ZNF93: variants seen among roughly 807,000 people sequenced by gnomAD.
The protein encoded by ZNF93 is zinc finger protein 505.
In ZNF93, 29 loss-of-function variants were observed where a neutral mutation model predicts 45.0. That is an observed-to-expected ratio of 0.64 (90% CI 0.48 to 0.88). The LOEUF is 0.88. ZNF93 is among the 40% of genes least tolerant of loss of function. ZNF93 has a pLI of 0.00. For synonymous variants in ZNF93, 223 were observed against 244.6 expected (o/e 0.91, Z 0.82); for missense variants, 578 against 724.0 (o/e 0.80, Z 2.31).
At chr19:19,917,955 T>C (rs1404101319) in intron 3 of ZNF93, among the ~76,000 whole-genome samples, 2 of 151,978 alleles carry the variant, frequency 1.3e-5, no homozygotes, top group African/African-American at 4.8e-5. Flanking sequence ...TTTTTTTTTC[T>C]TTTTTTTAAT....
intron 1 of ZNF93, among the ~76,000 whole-genome samples, chr19:19,902,078 A>T (rs2063273993): frequency 1.3e-5 from 2 of 151,386 alleles, no homozygotes. Flanking sequence ...ACAAAGTGAG[A>T]CTCCGTCTTA....
intron 1 of ZNF93, among the ~76,000 whole-genome samples, chr19:19,913,070 A>G (rs2063314028): frequency 6.6e-6 from 1 of 152,194 alleles, no homozygotes; most frequent in African/African-American, 2.4e-5. Context: ...AGTGTAAGGG[A>G]CCCTGTGCTG....
At chr19:19,924,030 C>T (rs1417423258) in intron 3 of ZNF93, among the ~76,000 whole-genome samples, 2 of 152,172 alleles carry the variant, frequency 1.3e-5, no homozygotes, top group African/African-American at 4.8e-5. Context: ...CTGTAGACTG[C>T]AGCTGTTCCT....
At position 19,916,629 on chromosome 19, in the gene ZNF93, G is replaced by A. The variant is rs140713522; in HGVS notation, c.200G>A (p.Arg67Lys). ...GGAAAAAAACCTTTGACTATGAAGA[G>A]ACATGAGATGGTAGCCAACCCCTCA... ...EQGKKPLTMK[R>K]HEMVANPSVI... Residue 67 changes from arginine to lysine, a missense_variant, in exon 3 of 4, where the codon AGA becomes AAA. Physicochemically the swap from Arg to Lys is conservative, Grantham distance 26. Around this residue, in one of 3 missense-constraint regions of ZNF93, gnomAD observed 446 missense variants for 547.6 expected, o/e 0.81. Transcript: ENST00000343769. 91 of 1,611,522 alleles carry A rather than the reference G, an allele frequency of 5.6e-5. No homozygotes were observed. The African/African-American group carries it at 9.4e-4, about 17-fold the overall frequency.
At chr19:19,913,283 C>G (rs1366793113) in intron 1 of ZNF93, among the ~76,000 whole-genome samples, 2 of 152,184 alleles carry the variant, frequency 1.3e-5, no homozygotes, top group Non-Finnish European at 2.9e-5. Flanking sequence ...GTTATCAGCC[C>G]AGGCTTCTCA....
intron 3 of ZNF93, among the ~76,000 whole-genome samples, chr19:19,919,778 G>A (rs1327802809): frequency 2.6e-5 from 4 of 152,176 alleles, no homozygotes; most frequent in Non-Finnish European, 4.4e-5. Context: ...GTATAAGAAT[G>A]CTTGTGATTT....
rs1249028729 is a variant in ZNF93 at position 19,934,775 on chromosome 19, G to A, written c.1820G>A (p.Ser607Asn). 6.2e-7 allele frequency: 1 copy of A among 1,601,998 alleles called. No homozygotes were observed. The highest frequency in any genetic ancestry group is 8.5e-7 in the Non-Finnish European group (1 of 1,175,184). The change falls in exon 4 of 4, where the codon AGC becomes AAC. Residue 607 changes from serine to asparagine, a missense_variant. Ser to Asn is a conservative substitution (Grantham distance 46). Transcript: ENST00000343769. ...GGCAAAGCCTTTATTTCACCCTCAA[G>A]CCTTAGTAGACATGAGATAATTCAT... ...KCGKAFISPS[S>N]LSRHEIIHTG... is the part of the protein sequence containing the mutation.
chr19:19,923,180 G>A (rs1229894852), intron 3 of ZNF93, among the ~76,000 whole-genome samples: 1 of 152,170 alleles, frequency 6.6e-6, no homozygotes, highest in Non-Finnish European at 1.5e-5. Context: ...CAGGTCCGTT[G>A]GAGTTTGCTG....
chr19:19,919,987 G>C (rs2063338201), intron 3 of ZNF93, among the ~76,000 whole-genome samples: 1 of 152,162 alleles, frequency 6.6e-6, no homozygotes, highest in African/African-American at 2.4e-5. Context: ...CCAACACTAT[G>C]TTGAGTAGGA....
At chr19:19,923,062 G>A (rs1208927938) in intron 3 of ZNF93, among the ~76,000 whole-genome samples, 1 of 152,114 alleles carries the variant, frequency 6.6e-6, no homozygotes, top group African/African-American at 2.4e-5. Flanking sequence ...CATCTTTGTG[G>A]TTTTATCTAC....
intron 1 of ZNF93, among the ~76,000 whole-genome samples, chr19:19,907,999 T>C (rs2063297642): frequency 6.6e-6 from 1 of 152,216 alleles, no homozygotes; most frequent in South Asian, 2.1e-4. Context: ...CATTAAAATA[T>C]TCATACTTAT....
intron 3 of ZNF93, among the ~76,000 whole-genome samples, chr19:19,929,622 T>G (rs1366774570): frequency 6.6e-6 from 1 of 151,968 alleles, no homozygotes; most frequent in Non-Finnish European, 1.5e-5. Context: ...GATTAGTGGG[T>G]TTTTCTCCCT....
chr19:19,901,155 A>G (rs897333497), intron 1 of ZNF93, 64 bp downstream of exon 1: 31 of 1,609,820 alleles, frequency 1.9e-5, no homozygotes, highest in African/African-American at 5.3e-5. Context: ...GTGGAAAGTG[A>G]CGGTGGCGGG....
intron 3 of ZNF93, chr19:19,926,327 C>T (rs1177468679): frequency 6.6e-6 from 1 of 151,168 alleles, no homozygotes; most frequent in Non-Finnish European, 1.5e-5. Context: ...GATCCACTCG[C>T]CTTGGCCTCC....
At chr19:19,903,507 C>G (rs1021530954) in intron 1 of ZNF93, among the ~76,000 whole-genome samples, 5 of 148,110 alleles carry the variant, frequency 3.4e-5, no homozygotes, top group Non-Finnish European at 6.1e-5. Flanking sequence ...ATTACCAGTG[C>G]TGGTAATCCC....
intron 3 of ZNF93, among the ~76,000 whole-genome samples, chr19:19,926,788 C>G (rs1335367371): frequency 6.6e-6 from 1 of 152,078 alleles, no homozygotes; most frequent in Non-Finnish European, 1.5e-5. Flanking sequence ...TTATGCATGT[C>G]TATCAATCAG....
chr19:19,901,143 C>G (rs563694864), intron 1 of ZNF93, 52 bp downstream of exon 1: 3 of 1,612,478 alleles, frequency 1.9e-6, no homozygotes, highest in East Asian at 2.2e-5. Flanking sequence ...TGGTTGGAAC[C>G]GGTGGAAAGT....
Position 19,933,813 on chromosome 19 carries a change from A to G in ZNF93, c.858A>G (p.Lys286=), listed in dbSNP as rs879197360. The change falls in exon 4 of 4, where the codon AAA becomes AAG. Residue 286 remains lysine (K), a synonymous_variant. Coordinates refer to ENST00000343769, the MANE Select transcript of ZNF93 (RefSeq NM_031218.4). The stretch of plus-strand genomic sequence containing the variant: ...TTCATACTGGAGAGAAACCCTACAA[A>G]TGTGAAGAATGTGGCAAAGCTTTTA... ...KKIHTGEKPY[K]CEECGKAFNQ... 5 of 1,612,334 alleles carry G rather than the reference A, an allele frequency of 3.1e-6. No homozygotes were observed. The South Asian group carries it at 4.4e-5, about 14-fold the overall frequency.
chr19:19,929,555 C>T (rs957149388), intron 3 of ZNF93, among the ~76,000 whole-genome samples: 8 of 152,136 alleles, frequency 5.3e-5, no homozygotes, highest in Non-Finnish European at 7.3e-5. Flanking sequence ...TTTAGTTATA[C>T]ATTCCTGCTA....
Sources: allele counts gnomAD v4.1 joint callset (sites outside exome capture counted in the v4.1 genomes callset), GRCh38; gene constraint gnomAD v4.1.1; regional missense constraint gnomAD v4.1.1; transcripts MANE v1.5; gene names NCBI Gene and HGNC (gene_info 2026-07-23, HGNC 2026-07-21).